PTAR1: variants seen among roughly 807,000 people sequenced by gnomAD.
PTAR1 encodes protein prenyltransferase alpha subunit repeat-containing protein 1.
In PTAR1, 17 loss-of-function variants were observed where a neutral mutation model predicts 45.5. That is an observed-to-expected ratio of 0.37 (90% CI 0.26 to 0.56). PTAR1 has a LOEUF of 0.56. Among genes scored for constraint, PTAR1 ranks in the 20% least tolerant of loss-of-function variants. PTAR1 has a pLI of 0.77. For missense variants in PTAR1, 391 were observed against 476.3 expected, an observed-to-expected ratio of 0.82 and a Z score of 1.67; for synonymous variants, 169 against 171.3, an observed-to-expected ratio of 0.99 and a Z score of 0.11.
At chr9:69,750,233 T>C (rs530665821) in intron 2 of PTAR1, among the ~76,000 whole-genome samples, 2 of 151,992 alleles carry the variant, frequency 1.3e-5, no homozygotes, top group African/African-American at 4.8e-5. Context: ...ATAGTTTTGT[T>C]TTGCTCATTT....
Position 69,711,534 on chromosome 9 carries a change from C to A in PTAR1, c.*6808G>T, listed in dbSNP as rs566199582. 4 of 152,188 alleles carry A rather than the reference C, an allele frequency of 2.6e-5. No individual in the cohort carries two copies. Among genetic ancestry groups the A allele is most frequent in the African/African-American group, 9.6e-5 (4 of 41,528 alleles). The allele number at this position is 152,188 out of a possible 1,614,324, so 9.4% of individuals were successfully genotyped here. The stretch of plus-strand genomic sequence containing the variant: ...ATTGTAACTTCACATTTTACCATTA[C>A]CACTCTTAAGACGCTAGAAACAAGT... On this transcript the variant is annotated 3_prime_UTR_variant, in exon 8 of 8. Coordinates refer to ENST00000340434, the MANE Select transcript of PTAR1 (RefSeq NM_001099666.2).
chr9:69,727,335 T>G (rs1825336106), intron 5 of PTAR1, among the ~76,000 whole-genome samples: 1 of 152,092 alleles, frequency 6.6e-6, no homozygotes, highest in African/African-American at 2.4e-5. Context: ...CAACCCCTAC[T>G]CCTGCAATCA....
At chr9:69,725,919 C>G (rs975128931) in intron 5 of PTAR1, among the ~76,000 whole-genome samples, 1 of 152,032 alleles carries the variant, frequency 6.6e-6, no homozygotes, top group Admixed American at 6.6e-5. Flanking sequence ...AAATATCTTT[C>G]TTTTCCTACT....
intron 3 of PTAR1, among the ~76,000 whole-genome samples, chr9:69,734,828 A>T (rs148926000): frequency 6.6e-6 from 1 of 152,192 alleles, no homozygotes; most frequent in African/African-American, 2.4e-5. Flanking sequence ...ACATTTTAAC[A>T]TATAATTTTA....
At chr9:69,726,193 C>T (rs1049951645) in intron 5 of PTAR1, among the ~76,000 whole-genome samples, 1 of 152,054 alleles carries the variant, frequency 6.6e-6, no homozygotes, top group African/African-American at 2.4e-5. Flanking sequence ...GGCCAGAGAT[C>T]ACTACTTGTA....
intron 1 of PTAR1, chr9:69,758,343 G>A (rs1208512654): frequency 1.3e-5 from 2 of 151,386 alleles, no homozygotes; most frequent in East Asian, 3.9e-4. Context: ...AAAAATACCA[G>A]TGATGAGAAA....
At chr9:69,725,215 T>C (rs1825213593) in intron 5 of PTAR1, among the ~76,000 whole-genome samples, 1 of 152,154 alleles carries the variant, frequency 6.6e-6, no homozygotes, top group East Asian at 1.9e-4. Flanking sequence ...ATGAAAACAT[T>C]TAGATTATTT....
At chr9:69,754,718 A>ATG (rs1826689460) in intron 1 of PTAR1, among the ~76,000 whole-genome samples, 1 of 27,942 alleles carries the variant, frequency 3.6e-5, no homozygotes, top group South Asian at 1.4e-3. Flanking sequence ...ATATATATAT[A>ATG]TATATTTTTT....
At chr9:69,731,785 T>C (rs939491094) in intron 5 of PTAR1, 1 of 223,326 alleles carries the variant, frequency 4.5e-6, no homozygotes, top group Non-Finnish European at 8.9e-6. Flanking sequence ...GCTGACTTAG[T>C]ATATTGTCAC....
intron 2 of PTAR1, 65 bp downstream of exon 2, chr9:69,750,716 G>A: frequency 1.7e-6 from 2 of 1,158,630 alleles, no homozygotes; most frequent in South Asian, 3.4e-5. Flanking sequence ...TCAGAGAAGG[G>A]CTCTTCCTAC....
At chr9:69,756,211 C>A (rs1826768500) in intron 1 of PTAR1, among the ~76,000 whole-genome samples, 1 of 152,184 alleles carries the variant, frequency 6.6e-6, no homozygotes, top group Admixed American at 6.5e-5. Flanking sequence ...CTGGTGCCTA[C>A]CCATTGCCTT....
At chr9:69,751,501 T>A (rs1826533104) in intron 1 of PTAR1, among the ~76,000 whole-genome samples, 1 of 152,126 alleles carries the variant, frequency 6.6e-6, no homozygotes, top group African/African-American at 2.4e-5. Flanking sequence ...ATAATTTCTT[T>A]AGAAGATATA....
At chr9:69,721,826 A>T (rs1258590030) in intron 6 of PTAR1, among the ~76,000 whole-genome samples, 2 of 151,542 alleles carry the variant, frequency 1.3e-5, no homozygotes, top group Non-Finnish European at 2.9e-5. Context: ...TTTTTTTTTT[A>T]GACATAATGC....
chr9:69,733,513 C>T (rs1021009243), intron 4 of PTAR1, among the ~76,000 whole-genome samples: 3 of 152,114 alleles, frequency 2.0e-5, no homozygotes, highest in Non-Finnish European at 4.4e-5. Context: ...TACACAGGGT[C>T]CAAGAGGAAG....
At chr9:69,726,777 A>G (rs562494946) in intron 5 of PTAR1, among the ~76,000 whole-genome samples, 129 of 151,974 alleles carry the variant, frequency 8.5e-4, no homozygotes, top group African/African-American at 3.0e-3. Flanking sequence ...ACTTTTATGA[A>G]TTATCTAATT....
chr9:69,740,941 T>G (rs1010908747), intron 3 of PTAR1, among the ~76,000 whole-genome samples: 11 of 152,216 alleles, frequency 7.2e-5, no homozygotes, highest in African/African-American at 2.7e-4. Context: ...TATTTCCATT[T>G]TTTGCTAGGT....
intron 2 of PTAR1, among the ~76,000 whole-genome samples, chr9:69,747,962 G>C (rs1033523256): frequency 2.6e-5 from 4 of 152,126 alleles, no homozygotes; most frequent in African/African-American, 9.7e-5. Context: ...GAAATAAGAT[G>C]AGCATATAAT....
chr9:69,723,219 T>C, intron 6 of PTAR1, 107 bp downstream of exon 6: 1 of 888,258 alleles, frequency 1.1e-6, no homozygotes, highest in Non-Finnish European at 1.8e-6. Context: ...CACAATCAGA[T>C]GACCATGTTT....
At chr9:69,725,525 G>A (rs1007942899) in intron 5 of PTAR1, among the ~76,000 whole-genome samples, 3 of 151,930 alleles carry the variant, frequency 2.0e-5, no homozygotes, top group African/African-American at 7.3e-5. Context: ...GGGAGGTATA[G>A]GTTGCAGTGA....
Sources: gnomAD v4.1 joint callset for allele counts (sites outside exome capture counted in the v4.1 genomes callset) on GRCh38, gnomAD v4.1.1 for gene constraint, MANE v1.5 for transcripts, NCBI Gene and HGNC (gene_info 2026-07-23, HGNC 2026-07-21) for gene names.